ABCA9: variants seen among roughly 807,000 people sequenced by gnomAD.
ABCA9 encodes the protein ATP-binding cassette sub-family A member 9.
In ABCA9, 183 loss-of-function variants were observed where a neutral mutation model predicts 205.3. The ratio of observed to expected loss-of-function variants is 0.89; its 90% CI spans 0.79 to 1.01. The LOEUF (loss-of-function observed/expected upper bound fraction) is 1.01, where lower values mean the gene tolerates loss of function less well. ABCA9 is among the 50% of genes least tolerant of loss of function. The probability of loss-of-function intolerance (pLI) is 0.00; values close to 1 mark genes in which losing one functional copy is unlikely to be tolerated. For synonymous variants in ABCA9, 651 were observed against 683.3 expected, an observed-to-expected ratio of 0.95 and a Z score of 0.74; for missense variants, 1,805 against 1,912.4, an observed-to-expected ratio of 0.94 and a Z score of 1.05.
In ABCA9 at chr17:68,983,782, T is replaced by C; in HGVS notation, c.4567A>G (p.Lys1523Glu). The change falls in exon 36 of 39, where the codon AAG (lysine) becomes GAG (glutamate). Residue 1523 changes from lysine to glutamate, a missense_variant. Transcript: ENST00000340001. ...GKDYLLEMKL[K>E]NLAQMEPLHA... is the part of the protein sequence containing the mutation. ...AGGGGCTCCATTTGTGCCAGGTTCTTCAGCTTCATCTCCAGCAGGTAGTCT... is the reference window on the plus strand; with the variant it reads ...AGGGGCTCCATTTGTGCCAGGTTCTCCAGCTTCATCTCCAGCAGGTAGTCT... The C allele has an allele frequency of 1.2e-6, 2 of 1,614,216 alleles. No homozygotes were observed. The highest frequency in any genetic ancestry group is 1.7e-6 in the Non-Finnish European group (2 of 1,180,030).
At chr17:68,977,037 TGAA>T (rs10589558) in intron 37 of ABCA9, among the ~76,000 whole-genome samples, 73,842 of 151,794 alleles carry the variant, frequency 0.49, 21,370 homozygotes, top group Non-Finnish European at 0.65. Context: ...TGGAAACATG[TGAA>T]GAAGAAATAC....
intron 36 of ABCA9, among the ~76,000 whole-genome samples, chr17:68,982,890 C>T (rs997720823): frequency 1.3e-5 from 2 of 152,122 alleles, no homozygotes; most frequent in Non-Finnish European, 2.9e-5. Context: ...CCTGTATTCC[C>T]AGCTACCATG....
chr17:68,998,243 T>C (rs554500605), intron 25 of ABCA9, among the ~76,000 whole-genome samples: 3 of 152,364 alleles, frequency 2.0e-5, no homozygotes, highest in East Asian at 3.8e-4. Context: ...ATAAACATCA[T>C]TGTGCAGGTT....
chr17:69,056,930 T>C (rs891580908), intron 1 of ABCA9, among the ~76,000 whole-genome samples: 2 of 152,216 alleles, frequency 1.3e-5, no homozygotes, highest in Non-Finnish European at 2.9e-5. Context: ...GTAGGAAGAC[T>C]TGGAACTCAT....
At chr17:69,011,789 G>A (rs1205955820) in intron 23 of ABCA9, 187 bp downstream of exon 23, 4 of 474,530 alleles carry the variant, frequency 8.4e-6, no homozygotes, top group African/African-American at 4.0e-5. Context: ...TCCTTCCTGA[G>A]GTCTCACATT....
chr17:69,070,140 T>C, the ABCA9 span, among the ~76,000 whole-genome samples: 5 of 152,080 alleles, frequency 3.3e-5, no homozygotes, highest in Non-Finnish European at 5.9e-5. Flanking sequence ...TATCACAGGT[T>C]TGGAAATGTA....
At chr17:69,028,051 GAAC>G (rs1483452578) in intron 12 of ABCA9, among the ~76,000 whole-genome samples, 6 of 151,948 alleles carry the variant, frequency 3.9e-5, no homozygotes, top group African/African-American at 1.4e-4. Flanking sequence ...TTTAAAACAC[GAAC>G]AACATTTTTC....
At chr17:68,999,674 T>C (rs1332420825) in intron 25 of ABCA9, among the ~76,000 whole-genome samples, 12 of 152,068 alleles carry the variant, frequency 7.9e-5, no homozygotes, top group Non-Finnish European at 1.6e-4. Flanking sequence ...ATGGTATTTC[T>C]AGTTCTAGAT....
At position 69,027,439 on chromosome 17, in the gene ABCA9, A is replaced by T. The variant is rs1263623480; in HGVS notation, c.1802T>A (p.Val601Asp). ...PHEVEKEVQR[V>D]VQELEMENIQ... ...ATTTTCCATTTCTAATTCCTGTACA[A>T]CTCGTTGTACCTAATCAAATAAAGA... Residue 601 changes from valine (V) to aspartate (D), a missense_variant, in exon 14 of 39, where the codon GTT becomes GAT. Val to Asp is a radical substitution (Grantham distance 152). Transcript: ENST00000340001. 3.1e-6 allele frequency: 5 copies of T among 1,610,694 alleles called. No homozygotes were observed. Among genetic ancestry groups the T allele is most frequent in the Non-Finnish European group, 4.2e-6 (5 of 1,178,788 alleles).
intron 37 of ABCA9, among the ~76,000 whole-genome samples, chr17:68,978,587 T>A (rs912327545): frequency 1.3e-5 from 2 of 152,198 alleles, no homozygotes; most frequent in African/African-American, 4.8e-5. Context: ...ATTAGGCATG[T>A]TTTTGCAGTG....
At chr17:69,021,511 G>A (rs2070806213) in intron 18 of ABCA9, among the ~76,000 whole-genome samples, 1 of 151,980 alleles carries the variant, frequency 6.6e-6, no homozygotes, top group African/African-American at 2.4e-5. Flanking sequence ...ATTGTTTGCT[G>A]CATAAGGAAC....
In ABCA9 at chr17:68,989,048, G is replaced by A. The variant is rs981204685; in HGVS notation, c.4026C>T (p.Asp1342=). ...TGACCTGTCCTGCAGTTGGTTTTGT[G>A]TCTCCAGTTATCATCTTAATAGTTG... is the stretch of plus-strand genomic sequence containing the variant. ...KSTTIKMITG[D]TKPTAGQVIL... The change falls in exon 31 of 39, where the codon GAC becomes GAT. Residue 1342 remains aspartate (D), a synonymous_variant. Coordinates refer to ENST00000340001, the MANE Select transcript of ABCA9 (RefSeq NM_080283.4). 3 of 1,612,334 alleles carry A rather than the reference G, an allele frequency of 1.9e-6. No individual in the cohort carries two copies. The highest frequency in any genetic ancestry group is 1.7e-5 in the Admixed American group (1 of 59,990).
intron 3 of ABCA9, among the ~76,000 whole-genome samples, chr17:69,045,583 A>G (rs1296062954): frequency 6.6e-6 from 1 of 152,132 alleles, no homozygotes; most frequent in African/African-American, 2.4e-5. Context: ...ACAATGTATC[A>G]TTCTGTTCTT....
At position 69,012,071 on chromosome 17, in the gene ABCA9, A is replaced by G. The variant is rs2070399851; in HGVS notation, c.3052T>C (p.Tyr1018His). 1.2e-6 allele frequency: 2 copies of G among 1,611,156 alleles called. No homozygotes were observed. Among genetic ancestry groups the G allele is most frequent in the African/African-American group, 1.3e-5 (1 of 74,770 alleles). ...RSTFFEEHMD[Y>H]EYGYRSNTFF... ...GTGTTACTTCGGTACCCATACTCAT[A>G]ATCCATATGCTCCTGAAATCATGTG... Residue 1018 changes from tyrosine to histidine, a missense_variant, in exon 23 of 39, where the codon TAT (tyrosine) becomes CAT (histidine). Coordinates refer to ENST00000340001, the MANE Select transcript of ABCA9 (RefSeq NM_080283.4).
chr17:69,035,411 C>A lies in ABCA9; in HGVS notation c.963G>T (p.Met321Ile), dbSNP rs1211447641. Residue 321 changes from methionine (M) to isoleucine (I), a missense_variant, in exon 8 of 39, where the codon ATG (methionine) becomes ATT (isoleucine). Transcript: ENST00000340001. Reference protein sequence around the residue: ...GLSLITLAFLMSVLIKKPFLT... With the variant: ...GLSLITLAFLISVLIKKPFLT... ...GGAAAGGTTTCTTTATCAACACACT[C>A]ATCAGGAAAGCTAAAGTTATCTGAG... 6.3e-7 allele frequency: 1 copy of A among 1,589,292 alleles called. No individual in the cohort carries two copies. Among genetic ancestry groups the A allele is most frequent in the Non-Finnish European group, 8.5e-7 (1 of 1,170,150 alleles).
Position 68,982,621 on chromosome 17 carries a change from T to C in ABCA9, c.4661A>G (p.Tyr1554Cys), listed in dbSNP as rs1299878368. ...QQERFSSLMVYKLPVEDVRPL... is the reference protein window; with the variant it reads ...QQERFSSLMVCKLPVEDVRPL... The stretch of plus-strand genomic sequence containing the variant: ...TCGCACATCCTCAACAGGCAACTTA[T>C]AGACCATCAGGGAGGAGAACCTGCG... Residue 1554 changes from tyrosine (Y) to cysteine (C), a missense_variant, in exon 37 of 39, where the codon TAT (tyrosine) becomes TGT (cysteine). By Grantham distance (194) the Tyr-to-Cys change is radical. Coordinates refer to ENST00000340001, the MANE Select transcript of ABCA9 (RefSeq NM_080283.4). 3 of 1,613,914 alleles carry C rather than the reference T, an allele frequency of 1.9e-6. No homozygotes were observed. Among genetic ancestry groups the C allele is most frequent in the African/African-American group, 1.3e-5 (1 of 74,908 alleles).
At chr17:69,029,288 C>A in intron 10 of ABCA9, 61 bp from the exon 11 acceptor site, 2 of 1,087,122 alleles carry the variant, frequency 1.8e-6, no homozygotes, top group South Asian at 3.0e-5. Context: ...ATTGATAAGT[C>A]AAGTCTTTGA....
chr17:69,075,291 T>G, the ABCA9 span, among the ~76,000 whole-genome samples: 1 of 152,326 alleles, frequency 6.6e-6, no homozygotes, highest in South Asian at 2.1e-4. Flanking sequence ...CAATTGCTTC[T>G]GAGGACTTAG....
chr17:69,016,023 TTG>T (rs1467066020), intron 22 of ABCA9, among the ~76,000 whole-genome samples: 1 of 150,512 alleles, frequency 6.6e-6, no homozygotes, highest in South Asian at 2.1e-4. Flanking sequence ...CATTTCTAAA[TTG>T]TGTGTGTGTA....
Sources: gnomAD v4.1 joint callset for allele counts (sites outside exome capture counted in the v4.1 genomes callset) on GRCh38, gnomAD v4.1.1 for gene constraint, MANE v1.5 for transcripts, NCBI Gene and HGNC (gene_info 2026-07-23, HGNC 2026-07-21) for gene names.